Variants in FAM184A observed in about 807,000 individuals in gnomAD.
The protein encoded by FAM184A is family with sequence similarity 184 member A, also known as protein FAM184A.
A neutral mutation model predicts 143.8 loss-of-function variants in FAM184A; 99 were observed. The ratio of observed to expected loss-of-function variants is 0.69; its 90% CI spans 0.58 to 0.81. FAM184A has a LOEUF of 0.81. Ranked by LOEUF, FAM184A falls within the 40% of genes least tolerant of loss-of-function variation. The probability of loss-of-function intolerance (pLI) is 0.00; values close to 1 mark genes in which losing one functional copy is unlikely to be tolerated. For synonymous variants in FAM184A, 427 were observed against 446.4 expected, an observed-to-expected ratio of 0.96 and a Z score of 0.55; for missense variants, 1,217 against 1,310.5, an observed-to-expected ratio of 0.93 and a Z score of 1.10.
chr6:119,084,502 A>G (rs1222701782), intron 1 of FAM184A, among the ~76,000 whole-genome samples: 1 of 152,190 alleles, frequency 6.6e-6, no homozygotes, highest in Non-Finnish European at 1.5e-5. Flanking sequence ...GTGGCCTTCC[A>G]GGGTTCAGGC....
rs1772338823 is a variant in FAM184A at position 119,144,161 on chromosome 6, A to C, written c.-202+4917T>G. 7.9e-5 allele frequency among the ~76,000 whole-genome samples: 4 copies of C among 50,796 alleles called. No homozygotes were observed. The South Asian group carries it at 4.6e-3, about 59-fold the overall frequency. The allele number at this position is 50,796 out of a possible 152,430, so 33.3% of individuals were successfully genotyped here. A position where few individuals can be genotyped will look rare whatever the true frequency, so the allele number is the denominator to read the frequency against. On this transcript the variant is annotated intron_variant, in intron 1 of 16. Transcript: ENST00000352896. ...GCTAACGCAGTGAAACCCTGTCTCT[A>C]CTAAAAATACAAAAAAAAAAAAATT...
intron 9 of FAM184A, among the ~76,000 whole-genome samples, chr6:118,981,052 T>C (rs1438663841): frequency 2.0e-5 from 3 of 152,300 alleles, no homozygotes; most frequent in Non-Finnish European, 4.4e-5. Context: ...TCAGCCATTA[T>C]AATAATGTCA....
intron 1 of FAM184A, among the ~76,000 whole-genome samples, chr6:119,077,070 T>C (rs1483261021): frequency 1.3e-5 from 2 of 152,214 alleles, no homozygotes; most frequent in Non-Finnish European, 2.9e-5. Context: ...ATTTCTTCAC[T>C]AAAATCTTTT....
chr6:118,964,797 T>G, intron 15 of FAM184A, 26 bp from the exon 16 acceptor site: 1 of 1,206,224 alleles, frequency 8.3e-7, no homozygotes. Context: ...ATAAACATCT[T>G]TTAAATATTT....
At chr6:119,057,691 C>T (rs960058462) in intron 1 of FAM184A, among the ~76,000 whole-genome samples, 4 of 151,926 alleles carry the variant, frequency 2.6e-5, no homozygotes, top group East Asian at 1.9e-4. Flanking sequence ...TGCAGTAAGC[C>T]GTGATTGAGC....
In FAM184A at chr6:119,006,461, G is replaced by A; in HGVS notation, c.1801C>T (p.Leu601=). Residue 601 remains leucine, a synonymous_variant, in exon 7 of 18, where the codon CTA becomes TTA. Transcript: ENST00000338891. ...TATGAAATTACCTCCACATTTAATA[G>A]AGCATCCTTGGTCTCCTTTAGGCTG... The part of the protein sequence containing the change: ...KDSLKETKDA[L]LNVEGELEQE... The A allele has an allele frequency of 1.2e-6, 2 of 1,610,432 alleles. No individual in the cohort carries two copies. The highest frequency in any genetic ancestry group is 4.5e-5 in the East Asian group (2 of 44,846).
At chr6:119,067,309 G>A (rs1004118566) in intron 1 of FAM184A, among the ~76,000 whole-genome samples, 1 of 152,208 alleles carries the variant, frequency 6.6e-6, no homozygotes, top group Admixed American at 6.5e-5. Context: ...ACTCATGTGA[G>A]GGTGTTTAGG....
At chr6:119,034,318 T>C (rs1201873216) in intron 1 of FAM184A, among the ~76,000 whole-genome samples, 1 of 151,666 alleles carries the variant, frequency 6.6e-6, no homozygotes, top group Non-Finnish European at 1.5e-5. Context: ...CATTTGAAAA[T>C]AAGTTGCAGC....
intron 1 of FAM184A, among the ~76,000 whole-genome samples, chr6:119,110,229 T>A (rs546940953): frequency 2.0e-4 from 31 of 152,190 alleles, no homozygotes; most frequent in Non-Finnish European, 3.4e-4. Flanking sequence ...GCTTAACATG[T>A]GCGTTTATTT....
Position 118,991,751 on chromosome 6 carries a change from C to CTTTTTT in FAM184A, c.2088+11142_2088+11147dup, listed in dbSNP as rs61476918. ...ATTCAATGGGGTGCCCCTGAGAGGACTTTTTTTTTTTTTTTTTTTTTTTTT... is the reference window on the plus strand; with the variant it reads ...ATTCAATGGGGTGCCCCTGAGAGGACTTTTTTTTTTTTTTTTTTTTTTTTTTTTTTT... On this transcript the variant is annotated intron_variant, in intron 9 of 17. Coordinates refer to ENST00000338891, the MANE Select transcript of FAM184A (RefSeq NM_024581.6). 7.4e-3 allele frequency among the ~76,000 whole-genome samples: 312 copies of CTTTTTT among 42,376 alleles called. 56 individuals are homozygous for CTTTTTT. Among genetic ancestry groups the CTTTTTT allele is most frequent in the Non-Finnish European group, 9.6e-3 (241 of 25,064 alleles). 27.8% of individuals were successfully genotyped at this position (42,376 alleles called of 152,430 possible).
At chr6:119,128,568 A>G (rs1174662199) in intron 1 of FAM184A, among the ~76,000 whole-genome samples, 1 of 152,192 alleles carries the variant, frequency 6.6e-6, no homozygotes, top group Non-Finnish European at 1.5e-5. Context: ...ACATAATTAG[A>G]TAAACATGAG....
intron 1 of FAM184A, among the ~76,000 whole-genome samples, chr6:119,123,020 G>C (rs1789267187): frequency 7.0e-6 from 1 of 142,044 alleles, no homozygotes; most frequent in Non-Finnish European, 1.5e-5. Context: ...AAGTGAAGCA[G>C]AGGACATGAA....
chr6:119,121,374 C>A (rs1211640238), intron 1 of FAM184A, among the ~76,000 whole-genome samples: 1 of 152,148 alleles, frequency 6.6e-6, no homozygotes, highest in Admixed American at 6.6e-5. Context: ...TGAGCTCAAG[C>A]AGTCAGCCCA....
At chr6:119,132,391 G>A (rs1195291214) in intron 1 of FAM184A, among the ~76,000 whole-genome samples, 2 of 152,146 alleles carry the variant, frequency 1.3e-5, no homozygotes, top group Non-Finnish European at 2.9e-5. Flanking sequence ...CCTACTAGCT[G>A]GCTTGGCTAG....
At position 119,088,170 on chromosome 6, in the gene FAM184A, A is replaced by G. The variant is rs540532776; in HGVS notation, c.-202+60908T>C. Among the ~76,000 whole-genome samples, 8 of 152,336 alleles carry G rather than the reference A, an allele frequency of 5.3e-5. No individual in the cohort carries two copies. In the South Asian group the frequency reaches 1.2e-3, roughly 24 times the overall value. On this transcript the variant is annotated intron_variant, in intron 1 of 16. Coordinates refer to the FAM184A transcript ENST00000352896. The stretch of plus-strand genomic sequence containing the variant: ...AAAGGTCCAGAAATGAATGGTGGTG[A>G]TGGTTGTACAACAGTGTGCATCTAC...
At chr6:118,997,033 T>A (rs1784587148) in intron 9 of FAM184A, among the ~76,000 whole-genome samples, 1 of 103,512 alleles carries the variant, frequency 9.7e-6, no homozygotes, top group Non-Finnish European at 2.0e-5. Context: ...CAGGAAGAGA[T>A]CATTATTCTA....
At chr6:118,980,083 CTAAT>C in intron 10 of FAM184A, 51 bp downstream of exon 10, 1 of 1,497,266 alleles carries the variant, frequency 6.7e-7, no homozygotes. Flanking sequence ...AATTTGAAGA[CTAAT>C]TATTATTAGG....
chr6:119,116,184 G>C lies in FAM184A; in HGVS notation c.-202+32894C>G, dbSNP rs369183449. ...AATGGCTTGCTCAGAGGTGGGGGCA[G>C]AAGGGGAAAAGGGACTGGTGGGCTT... On this transcript the variant is annotated intron_variant, in intron 1 of 16. Transcript: ENST00000352896. Among the ~76,000 whole-genome samples, 87 of 152,282 alleles carry C rather than the reference G, an allele frequency of 5.7e-4. No homozygotes were observed. The South Asian group carries it at 0.017, about 30-fold the overall frequency.
chr6:119,058,638 C>T (rs1252718536), intron 1 of FAM184A, among the ~76,000 whole-genome samples: 1 of 152,198 alleles, frequency 6.6e-6, no homozygotes, highest in East Asian at 1.9e-4. Context: ...GTTTCCGGAA[C>T]ACTTAGTCTC....
Sources: gnomAD v4.1 joint callset for allele counts (sites outside exome capture counted in the v4.1 genomes callset) on GRCh38, gnomAD v4.1.1 for gene constraint, MANE v1.5 for transcripts, NCBI Gene and HGNC (gene_info 2026-07-23, HGNC 2026-07-21) for gene names.